The following C14orf132 variants were observed in gnomAD, a reference collection of about 807,000 sequenced individuals.
C14orf132 encodes the protein chromosome 14 open reading frame 132, also known as uncharacterized protein C14orf132.
Under a neutral mutation model 5.8 loss-of-function variants are expected in C14orf132, and 6 were observed. The ratio of observed to expected loss-of-function variants is 1.03; its 90% CI spans 0.57 to 2.04. C14orf132 has a LOEUF of 2.04. Among genes scored for constraint, C14orf132 ranks in the 30% most tolerant of loss-of-function variants. The pLI, the probability that C14orf132 is intolerant of heterozygous loss-of-function variation, is 0.00. For synonymous variants in C14orf132, 51 were observed against 49.8 expected (o/e 1.02, Z -0.10); for missense variants, 125 against 115.8 (o/e 1.08, Z -0.37).
At chr14:96,060,276 G>A (rs1014375647) in intron 1 of C14orf132, among the ~76,000 whole-genome samples, 5 of 152,188 alleles carry the variant, frequency 3.3e-5, no homozygotes, top group Admixed American at 1.3e-4. Context: ...AATGAAGGAG[G>A]TGGGATTGGT....
At chr14:96,083,877 G>A (rs1353500095) in intron 1 of C14orf132, among the ~76,000 whole-genome samples, 8 of 152,202 alleles carry the variant, frequency 5.3e-5, no homozygotes, top group Admixed American at 1.3e-4. Context: ...GGGGTGCAGA[G>A]GCTGGAGGGC....
chr14:96,048,988 G>A (rs534615321), intron 1 of C14orf132, among the ~76,000 whole-genome samples: 1 of 152,236 alleles, frequency 6.6e-6, no homozygotes, highest in South Asian at 2.1e-4. Flanking sequence ...GTAGTGGTAT[G>A]ATCTCAGCTC....
chr14:96,082,660 G>A (rs1027158886), intron 1 of C14orf132, among the ~76,000 whole-genome samples: 2 of 152,270 alleles, frequency 1.3e-5, no homozygotes, highest in East Asian at 3.9e-4. Context: ...ATGAGTACCT[G>A]GTTATCGATC....
At position 96,087,352 on chromosome 14, in the gene C14orf132, G is replaced by C. The variant is rs1595195677; in HGVS notation, c.*617G>C. ...GTTACTGGTAATAGGTGGGGTTTCTGGGGGTGTTGTTGGTGGTTTTTATCT... is the reference window on the plus strand; with the variant it reads ...GTTACTGGTAATAGGTGGGGTTTCTCGGGGTGTTGTTGGTGGTTTTTATCT... On this transcript the variant is annotated 3_prime_UTR_variant, in exon 2 of 2. Transcript: ENST00000555004. 1 of 152,392 alleles carries C rather than the reference G, an allele frequency of 6.6e-6. No homozygotes were observed. The highest frequency in any genetic ancestry group is 2.4e-5 in the African/African-American group (1 of 41,334). The allele number at this position is 152,392 out of a possible 1,614,324, so 9.4% of individuals were successfully genotyped here. A position where few individuals can be genotyped will look rare whatever the true frequency, so the allele number is the denominator to read the frequency against.
In C14orf132 at chr14:96,092,703, C is replaced by G. The variant is rs1469058550; in HGVS notation, c.*5968C>G. ...ATCTCTGAGAGGCTTGAGAGTGTTG[C>G]CAGGTGGAGCTTTTCAGGAGACAGG... On this transcript the variant is annotated 3_prime_UTR_variant, in exon 2 of 2. Coordinates refer to ENST00000555004, the MANE Select transcript of C14orf132 (RefSeq NM_001252507.3). The G allele has an allele frequency of 6.6e-6, 1 of 152,182 alleles. No homozygotes were observed. The highest frequency in any genetic ancestry group is 2.4e-5 in the African/African-American group (1 of 41,434). 9.4% of individuals were successfully genotyped at this position (152,182 alleles called of 1,614,324 possible).
rs775639023 is a variant in C14orf132 at position 96,049,762 on chromosome 14, A to AT, written c.27+10249dup. Reference sequence around the variant, plus strand: ...CTTAGAGCTCACTGATAGTCTCTTCATTTTTTTTTTTTTTGGTCTTTGTTT... The same window carrying AT: ...CTTAGAGCTCACTGATAGTCTCTTCATTTTTTTTTTTTTTTGGTCTTTGTTT... On this transcript the variant is annotated intron_variant, in intron 1 of 1. Coordinates refer to ENST00000555004, the MANE Select transcript of C14orf132 (RefSeq NM_001252507.3). Among the ~76,000 whole-genome samples the AT allele has an allele frequency of 4.9e-3, 603 of 122,618 alleles. 7 individuals are homozygous for AT. The highest frequency in any genetic ancestry group is 0.02 in the Middle Eastern group (4 of 204). The allele number at this position is 122,618 out of a possible 152,430, so 80.4% of individuals were successfully genotyped here.
At chr14:96,082,865 G>C (rs994439110) in intron 1 of C14orf132, among the ~76,000 whole-genome samples, 1 of 152,208 alleles carries the variant, frequency 6.6e-6, no homozygotes, top group Non-Finnish European at 1.5e-5. Flanking sequence ...AATCTCGCTG[G>C]TTGGACTGCA....
At position 96,060,470 on chromosome 14, in the gene C14orf132, GC is replaced by G. The variant is rs572930173; in HGVS notation, c.27+20944del. 8.0e-4 allele frequency among the ~76,000 whole-genome samples: 122 copies of G among 152,268 alleles called. 1 individual carries two copies. The East Asian group carries it at 0.022, about 27-fold the overall frequency. ...ATGATGTGTAGAGTTCCAGTGCCGT[GC>G]ATGTTCATTGCTTGAGTGGCTAAAC... On this transcript the variant is annotated intron_variant, in intron 1 of 1. Transcript: ENST00000555004.
intron 1 of C14orf132, among the ~76,000 whole-genome samples, chr14:96,055,933 C>T (rs567359076): frequency 1.3e-5 from 2 of 152,302 alleles, no homozygotes; most frequent in South Asian, 2.1e-4. Context: ...GAGCCCGGGT[C>T]GCACCTAGGC....
chr14:96,056,001 C>A (rs541939155), intron 1 of C14orf132, among the ~76,000 whole-genome samples: 2 of 152,176 alleles, frequency 1.3e-5, no homozygotes, highest in South Asian at 4.2e-4. Flanking sequence ...TACAAGGAAC[C>A]CACCCCCTGG....
At chr14:96,052,752 C>T (rs1055018994) in intron 1 of C14orf132, among the ~76,000 whole-genome samples, 10 of 151,936 alleles carry the variant, frequency 6.6e-5, no homozygotes, top group African/African-American at 2.4e-4. Flanking sequence ...CCTCTCTTGT[C>T]CCCCTGCAAA....
At chr14:96,068,551 C>A (rs1887603955) in intron 1 of C14orf132, among the ~76,000 whole-genome samples, 1 of 152,100 alleles carries the variant, frequency 6.6e-6, no homozygotes, top group Non-Finnish European at 1.5e-5. Context: ...CAGATGAGAC[C>A]AAAGCTGGGA....
chr14:96,073,624 G>T (rs1887776060), intron 1 of C14orf132, among the ~76,000 whole-genome samples: 1 of 152,200 alleles, frequency 6.6e-6, no homozygotes. Flanking sequence ...AGACTGTGTG[G>T]CAGTTCCTCA....
At chr14:96,055,707 T>G (rs952114696) in intron 1 of C14orf132, among the ~76,000 whole-genome samples, 1 of 152,208 alleles carries the variant, frequency 6.6e-6, no homozygotes, top group African/African-American at 2.4e-5. Context: ...GTAGTGTTCA[T>G]GAAGCCTCCT....
intron 1 of C14orf132, among the ~76,000 whole-genome samples, chr14:96,083,386 G>A (rs1002854002): frequency 2.0e-5 from 3 of 152,174 alleles, no homozygotes; most frequent in African/African-American, 7.2e-5. Flanking sequence ...CACCAAGGAT[G>A]TCCACGTCCT....
chr14:96,048,586 G>A (rs935192245), intron 1 of C14orf132, among the ~76,000 whole-genome samples: 11 of 151,832 alleles, frequency 7.2e-5, no homozygotes, highest in African/African-American at 1.7e-4. Flanking sequence ...GTGCAGTGGC[G>A]TGATCTCAGC....
intron 1 of C14orf132, among the ~76,000 whole-genome samples, chr14:96,055,509 A>G (rs1281021837): frequency 6.6e-6 from 1 of 152,176 alleles, no homozygotes; most frequent in Non-Finnish European, 1.5e-5. Flanking sequence ...ATTGCCTTCC[A>G]ACTATGCATT....
chr14:96,054,553 A>G (rs141226707), intron 1 of C14orf132, among the ~76,000 whole-genome samples: 514 of 152,320 alleles, frequency 3.4e-3, no homozygotes, highest in Non-Finnish European at 5.8e-3. Flanking sequence ...GAACAGTAGT[A>G]ATAGCTCATA....
intron 1 of C14orf132, among the ~76,000 whole-genome samples, chr14:96,062,024 T>A (rs1887373021): frequency 6.6e-6 from 1 of 152,192 alleles, no homozygotes; most frequent in Non-Finnish European, 1.5e-5. Flanking sequence ...TCTATCTCAG[T>A]CACCACATTC....
Sources: allele counts gnomAD v4.1 joint callset (sites outside exome capture counted in the v4.1 genomes callset), GRCh38; gene constraint gnomAD v4.1.1; transcripts MANE v1.5; gene names NCBI Gene and HGNC (gene_info 2026-07-23, HGNC 2026-07-21).